The following GTF2B variants were observed in gnomAD, a reference collection of about 807,000 sequenced individuals.
GTF2B encodes transcription initiation factor IIB.
Under a neutral mutation model 34.6 loss-of-function variants are expected in GTF2B, and 20 were observed. The observed-to-expected ratio is 0.58, with a 90% CI of 0.41 to 0.84. The LOEUF (loss-of-function observed/expected upper bound fraction) is 0.84, where lower values mean the gene tolerates loss of function less well. Ranked by LOEUF, GTF2B falls within the 40% of genes least tolerant of loss-of-function variation. The probability of loss-of-function intolerance (pLI) is 0.00; values close to 1 mark genes in which losing one functional copy is unlikely to be tolerated. For missense variants in GTF2B, 237 were observed against 393.3 expected (o/e 0.60, Z 3.36); for synonymous variants, 142 against 132.4 (o/e 1.07, Z -0.50).
rs1448959703 is a variant in GTF2B, at chr1:88,864,013, T to C, written c.226A>G (p.Ser76Gly). ...ATCATGGTAGACAAATCTCCATCAC[T>C]CAGAAGAGGATTCTGAGAATCTCCA... The part of the protein sequence containing the change: ...RVGDSQNPLL[S>G]DGDLSTMIGK... The change falls in exon 3 of 7, where the codon AGT becomes GGT. Residue 76 changes from serine (S) to glycine (G), a missense_variant. By Grantham distance (56) the Ser-to-Gly change is moderately conservative. This residue lies in a region of GTF2B where 130 missense variants were observed against 170.9 expected (regional missense o/e 0.76). Transcript: ENST00000370500. 4 of 1,613,806 alleles carry C rather than the reference T, an allele frequency of 2.5e-6. No individual in the cohort carries two copies. Among genetic ancestry groups the C allele is most frequent in the Non-Finnish European group, 3.4e-6 (4 of 1,179,698 alleles).
chr1:88,865,284 C>T lies in GTF2B; in HGVS notation c.125-1170G>A, dbSNP rs79355042. On this transcript the variant is annotated intron_variant, in intron 2 of 6. Coordinates refer to ENST00000370500, the MANE Select transcript of GTF2B (RefSeq NM_001514.6). The stretch of plus-strand genomic sequence containing the variant: ...ATAAAGACTAAGCTATTATAATACC[C>T]ATGTACAGTGCATGTAAAGTGCTTA... Among the ~76,000 whole-genome samples, 610 of 152,276 alleles carry T rather than the reference C, an allele frequency of 4.0e-3. 24 individuals are homozygous for T. In the East Asian group the frequency reaches 0.088, roughly 22 times the overall value.
chr1:88,863,042 A>T (rs2100966124), intron 3 of GTF2B, among the ~76,000 whole-genome samples: 1 of 152,272 alleles, frequency 6.6e-6, no homozygotes, highest in South Asian at 2.1e-4. Flanking sequence ...GCCCTCAGTA[A>T]TACCGTCACT....
chr1:88,873,920 G>A (rs1673756412), intron 2 of GTF2B, among the ~76,000 whole-genome samples: 2 of 151,982 alleles, frequency 1.3e-5, no homozygotes. Context: ...TAAAACTCAG[G>A]GACTCTTACT....
chr1:88,889,945 T>C (rs1450626472), intron 1 of GTF2B, among the ~76,000 whole-genome samples: 1 of 151,964 alleles, frequency 6.6e-6, no homozygotes, highest in Non-Finnish European at 1.5e-5. Flanking sequence ...AAGGCTGAGG[T>C]GGGAGGATCA....
intron 6 of GTF2B, among the ~76,000 whole-genome samples, chr1:88,854,319 GC>G (rs1366533165): frequency 6.6e-6 from 1 of 152,038 alleles, no homozygotes; most frequent in Admixed American, 6.6e-5. Context: ...ACTGATACAA[GC>G]ACATACTTAA....
chr1:88,891,416 G>A, intron 1 of GTF2B, 67 bp downstream of exon 1: 3 of 1,312,098 alleles, frequency 2.3e-6, no homozygotes, highest in South Asian at 2.5e-5. Context: ...CTGCCCGGAG[G>A]CCGCCTAAAA....
intron 2 of GTF2B, among the ~76,000 whole-genome samples, chr1:88,882,173 G>A (rs1366266759): frequency 6.6e-6 from 1 of 151,906 alleles, no homozygotes; most frequent in African/African-American, 2.4e-5. Flanking sequence ...AGGTGGGTGT[G>A]GTGGTGCATG....
chr1:88,858,584 A>G (rs1673370977), intron 5 of GTF2B: 1 of 152,212 alleles, frequency 6.6e-6, no homozygotes, highest in South Asian at 2.1e-4. Flanking sequence ...GAAATTTAAC[A>G]AAAGTTGTTT....
intron 2 of GTF2B, among the ~76,000 whole-genome samples, chr1:88,871,372 T>G (rs1485687146): frequency 1.3e-5 from 2 of 152,230 alleles, no homozygotes; most frequent in Non-Finnish European, 2.9e-5. Flanking sequence ...TATAAAGAGA[T>G]AACTTTATGG....
chr1:88,874,853 C>CT (rs1183701305), intron 2 of GTF2B, among the ~76,000 whole-genome samples: 2 of 151,806 alleles, frequency 1.3e-5, no homozygotes, highest in Non-Finnish European at 2.9e-5. Flanking sequence ...GCTGGTAAGT[C>CT]TAAAAGTTCA....
At position 88,852,686 on chromosome 1, in the gene GTF2B, A is replaced by G. The variant is rs1673218929; in HGVS notation, c.*527T>C. 6.6e-6 allele frequency among the ~76,000 whole-genome samples: 1 copy of G among 151,092 alleles called. No individual in the cohort carries two copies. The highest frequency in any genetic ancestry group is 1.5e-5 in the Non-Finnish European group (1 of 68,042). On this transcript the variant is annotated 3_prime_UTR_variant, in exon 7 of 7. Coordinates refer to ENST00000370500, the MANE Select transcript of GTF2B (RefSeq NM_001514.6). ...TCAAGCTGGTGCCTTTCAAGGCCCA[A>G]GCTCATCACTTCTTGTTTAATAATA...
At chr1:88,869,780 C>A (rs1474906070) in intron 2 of GTF2B, among the ~76,000 whole-genome samples, 1 of 152,178 alleles carries the variant, frequency 6.6e-6, no homozygotes, top group African/African-American at 2.4e-5. Flanking sequence ...GCGCCTGCCA[C>A]CACGTCTGAC....
At position 88,890,742 on chromosome 1, in the gene GTF2B, G is replaced by T. The variant is rs1674179825; in HGVS notation, c.17+741C>A. On this transcript the variant is annotated intron_variant, in intron 1 of 6. Coordinates refer to ENST00000370500, the MANE Select transcript of GTF2B (RefSeq NM_001514.6). ...GCATTTTTCAGGTCACAAGATTAAA[G>T]GCTGTTTCTGAGGGTACTGCATGCA... Among the ~76,000 whole-genome samples the T allele has an allele frequency of 2.0e-5, 3 of 152,106 alleles. No individual in the cohort carries two copies. In the South Asian group the frequency reaches 6.2e-4, roughly 31 times the overall value.
chr1:88,886,522 ATCT>A (rs1200333980), intron 2 of GTF2B, among the ~76,000 whole-genome samples: 5 of 152,200 alleles, frequency 3.3e-5, no homozygotes, highest in Non-Finnish European at 7.3e-5. Flanking sequence ...GTTATAATAA[ATCT>A]TCTTTTTGAC....
intron 2 of GTF2B, among the ~76,000 whole-genome samples, chr1:88,866,186 AC>A (rs1213630636): frequency 6.6e-6 from 1 of 151,836 alleles, no homozygotes; most frequent in Non-Finnish European, 1.5e-5. Flanking sequence ...ACATGGTGAA[AC>A]CCTGTCTCTA....
intron 2 of GTF2B, among the ~76,000 whole-genome samples, chr1:88,878,773 C>T (rs1673867736): frequency 6.6e-6 from 1 of 152,228 alleles, no homozygotes; most frequent in Non-Finnish European, 1.5e-5. Flanking sequence ...TCTCAGAACA[C>T]TTGCTCTTGA....
intron 2 of GTF2B, among the ~76,000 whole-genome samples, chr1:88,871,900 T>C (rs1557657536): frequency 6.6e-6 from 1 of 151,686 alleles, no homozygotes; most frequent in Non-Finnish European, 1.5e-5. Context: ...CCCAGCTAAT[T>C]TTTTGTATTT....
At chr1:88,882,432 CTG>C (rs986743969) in intron 2 of GTF2B, among the ~76,000 whole-genome samples, 4 of 150,852 alleles carry the variant, frequency 2.7e-5, no homozygotes, top group African/African-American at 7.3e-5. Context: ...GATCTTAACA[CTG>C]TGGAAGAACT....
At chr1:88,872,667 G>C (rs895732606) in intron 2 of GTF2B, among the ~76,000 whole-genome samples, 4 of 151,948 alleles carry the variant, frequency 2.6e-5, no homozygotes, top group Non-Finnish European at 4.4e-5. Context: ...TACCACAATG[G>C]GTACCTTGTC....
Sources: allele counts gnomAD v4.1 joint callset (sites outside exome capture counted in the v4.1 genomes callset), GRCh38; gene constraint gnomAD v4.1.1; regional missense constraint gnomAD v4.1.1; transcripts MANE v1.5; gene names NCBI Gene and HGNC (gene_info 2026-07-23, HGNC 2026-07-21).